Variants in FIG4 observed in about 807,000 individuals in gnomAD.
FIG4 encodes polyphosphoinositide phosphatase.
A neutral mutation model predicts 118.6 loss-of-function variants in FIG4; 112 were observed. That is an observed-to-expected ratio of 0.94 (90% CI 0.81 to 1.11). FIG4 has a LOEUF of 1.11. Among genes scored for constraint, FIG4 ranks in the 50% least tolerant of loss-of-function variants. The pLI is 0.00. For missense variants in FIG4, 969 were observed against 1,111.7 expected (o/e 0.87, Z 1.83); for synonymous variants, 369 against 381.2 (o/e 0.97, Z 0.37).
At chr6:109,741,588 T>C in intron 8 of FIG4, 44 bp downstream of exon 8, 10 of 1,196,122 alleles carry the variant, frequency 8.4e-6, no homozygotes, top group Non-Finnish European at 1.1e-5. Flanking sequence ...TAACCTTTTA[T>C]ATCAGCTTTG....
chr6:109,698,751 T>C (rs938392945), intron 1 of FIG4, among the ~76,000 whole-genome samples: 4 of 152,270 alleles, frequency 2.6e-5, no homozygotes, highest in African/African-American at 9.6e-5. Flanking sequence ...CATCTGCACA[T>C]GACATTTTCT....
At chr6:109,784,603 TG>T (rs1777899942) in intron 16 of FIG4, among the ~76,000 whole-genome samples, 1 of 152,220 alleles carries the variant, frequency 6.6e-6, no homozygotes, top group Non-Finnish European at 1.5e-5. Flanking sequence ...ACTCACCTGG[TG>T]GCAGAGTAAG....
At chr6:109,739,365 G>A (rs544430503) in intron 7 of FIG4, among the ~76,000 whole-genome samples, 3 of 152,100 alleles carry the variant, frequency 2.0e-5, no homozygotes, top group Admixed American at 1.3e-4. Context: ...GTGGTTTTTC[G>A]ATTTTTTCTA....
intron 8 of FIG4, among the ~76,000 whole-genome samples, chr6:109,742,162 C>T (rs1317708120): frequency 2.6e-5 from 4 of 151,842 alleles, no homozygotes; most frequent in African/African-American, 7.3e-5. Context: ...ATATGAAATG[C>T]GGTACATGTT....
chr6:109,784,633 C>T (rs1777900904), intron 16 of FIG4, among the ~76,000 whole-genome samples: 1 of 152,196 alleles, frequency 6.6e-6, no homozygotes, highest in South Asian at 2.1e-4. Flanking sequence ...GGCACAGTCC[C>T]TGGGAGAAGT....
chr6:109,758,745 C>T (rs1010304335), intron 10 of FIG4, among the ~76,000 whole-genome samples: 1 of 152,172 alleles, frequency 6.6e-6, no homozygotes, highest in Non-Finnish European at 1.5e-5. Flanking sequence ...CTACAAGGAA[C>T]TTAAACAAAC....
intron 1 of FIG4, among the ~76,000 whole-genome samples, chr6:109,699,173 A>G (rs1774826199): frequency 6.6e-6 from 1 of 152,238 alleles, no homozygotes; most frequent in African/African-American, 2.4e-5. Context: ...ACACATTTTC[A>G]GTGGACCTAG....
At chr6:109,768,526 T>C (rs1777349748) in intron 15 of FIG4, among the ~76,000 whole-genome samples, 1 of 152,088 alleles carries the variant, frequency 6.6e-6, no homozygotes, top group African/African-American at 2.4e-5. Flanking sequence ...ATCAGAAATT[T>C]ATGCACAACT....
In FIG4 at chr6:109,727,114, G is replaced by T. The variant is rs756709973; in HGVS notation, c.295G>T (p.Val99Phe). ...AVSAFGVVGF[V>F]RFLEGYYIVL... ...CTTTATTTTTTGTTGCATAGGTTTT[G>T]TCAGGTTCTTAGAAGGCTATTATAT... is the stretch of plus-strand genomic sequence containing the variant. The change falls in exon 4 of 23, where the codon GTC becomes TTC. Residue 99 changes from valine (V) to phenylalanine (F), a missense_variant. Physicochemically the swap from Val to Phe is conservative, Grantham distance 50 (BLOSUM62 -1). Transcript: ENST00000230124. 2 of 1,609,648 alleles carry T rather than the reference G, an allele frequency of 1.2e-6. No homozygotes were observed. Among genetic ancestry groups the T allele is most frequent in the South Asian group, 2.2e-5 (2 of 90,992 alleles).
At chr6:109,763,833 A>C in intron 12 of FIG4, 104 bp from the exon 13 acceptor site, 1 of 807,812 alleles carries the variant, frequency 1.2e-6, no homozygotes, top group Non-Finnish European at 2.1e-6. Flanking sequence ...AGGAGCCTTC[A>C]GCTCTATTAC....
chr6:109,820,259 C>T (rs1778968195), intron 22 of FIG4, among the ~76,000 whole-genome samples: 1 of 152,170 alleles, frequency 6.6e-6, no homozygotes, highest in African/African-American at 2.4e-5. Context: ...GATGGTATAC[C>T]ATCTCCTATT....
intron 10 of FIG4, among the ~76,000 whole-genome samples, chr6:109,755,030 G>A (rs995370129): frequency 2.0e-4 from 31 of 151,912 alleles, no homozygotes; most frequent in African/African-American, 7.0e-4. Context: ...TGTGATGTTA[G>A]GGTGTCAATT....
At chr6:109,822,127 A>G (rs574531030) in intron 22 of FIG4, among the ~76,000 whole-genome samples, 7 of 152,356 alleles carry the variant, frequency 4.6e-5, no homozygotes, top group African/African-American at 1.7e-4. Flanking sequence ...TATAGAATCT[A>G]GGGGTGCACA....
In FIG4 at chr6:109,729,773, CAA is replaced by C. The variant is rs11305700; in HGVS notation, c.446+2523_446+2524del. On this transcript the variant is annotated intron_variant, in intron 4 of 22. Transcript: ENST00000230124. ...TAGGTGACAGAGTGAGACCCTGCCT[CAA>C]AAAAAAAAAAAAAAGATTAAAAGAA... Among the ~76,000 whole-genome samples the C allele has an allele frequency of 4.0e-3, 450 of 111,252 alleles. 3 individuals are homozygous for C. Among genetic ancestry groups the C allele is most frequent in the African/African-American group, 8.9e-3 (278 of 31,380 alleles). 73.0% of individuals were successfully genotyped at this position (111,252 alleles called of 152,430 possible). A position where few individuals can be genotyped will look rare whatever the true frequency, so the allele number is the denominator to read the frequency against.
intron 4 of FIG4, among the ~76,000 whole-genome samples, chr6:109,729,443 A>G (rs1193098606): frequency 1.3e-5 from 2 of 152,332 alleles, no homozygotes; most frequent in Non-Finnish European, 2.9e-5. Context: ...TGCCGTCACT[A>G]CTAACATTCA....
intron 4 of FIG4, among the ~76,000 whole-genome samples, chr6:109,728,536 C>T (rs1434510168): frequency 1.3e-5 from 2 of 152,070 alleles, no homozygotes; most frequent in Non-Finnish European, 2.9e-5. Context: ...TTGTAGTGTT[C>T]CAATACATGA....
At chr6:109,809,446 A>G (rs1322362843) in intron 22 of FIG4, among the ~76,000 whole-genome samples, 1 of 152,196 alleles carries the variant, frequency 6.6e-6, no homozygotes, top group Non-Finnish European at 1.5e-5. Flanking sequence ...AATGTCTTAT[A>G]TGGTAAATAT....
intron 1 of FIG4, among the ~76,000 whole-genome samples, chr6:109,698,730 T>C (rs1562633669): frequency 1.3e-5 from 2 of 152,264 alleles, no homozygotes; most frequent in African/African-American, 4.8e-5. Flanking sequence ...TTTTGTCAAA[T>C]GTTTTTTTCA....
chr6:109,823,152 A>G (rs1185348785), intron 22 of FIG4, among the ~76,000 whole-genome samples: 1 of 152,130 alleles, frequency 6.6e-6, no homozygotes, highest in African/African-American at 2.4e-5. Flanking sequence ...GCCAGACTGC[A>G]GTGTCTTTCT....
Sources: gnomAD v4.1 joint callset for allele counts (sites outside exome capture counted in the v4.1 genomes callset) on GRCh38, gnomAD v4.1.1 for gene constraint, MANE v1.5 for transcripts, NCBI Gene and HGNC (gene_info 2026-07-23, HGNC 2026-07-21) for gene names.